RINT1: variants seen among roughly 807,000 people sequenced by gnomAD.
The protein encoded by RINT1 is RAD50-interacting protein 1.
In RINT1, 75 loss-of-function variants were observed where a neutral mutation model predicts 97.7. That is an observed-to-expected ratio of 0.77 (90% CI 0.64 to 0.93). RINT1 has a LOEUF of 0.93. Ranked by LOEUF, RINT1 falls within the 40% of genes least tolerant of loss-of-function variation. The pLI is 0.00. For synonymous variants in RINT1, 303 were observed against 326.3 expected (o/e 0.93, Z 0.77); for missense variants, 892 against 925.2 (o/e 0.96, Z 0.47).
At chr7:105,539,893 C>G (rs1790388575) in intron 3 of RINT1, among the ~76,000 whole-genome samples, 1 of 152,084 alleles carries the variant, frequency 6.6e-6, no homozygotes, top group Admixed American at 6.6e-5. Context: ...ACCAAAGTGA[C>G]CTGAAGGACG....
In RINT1 at chr7:105,563,645, T is replaced by C; in HGVS notation, c.1672-88T>C. 3.5e-6 allele frequency: 4 copies of C among 1,151,102 alleles called. No homozygotes were observed. In the South Asian group the frequency reaches 5.6e-5, roughly 16 times the overall value. The allele number at this position is 1,151,102 out of a possible 1,614,324, so 71.3% of individuals were successfully genotyped here. ...CCGTGCCCGGTCGAATTATACACTT[T>C]AAATGGGTGAATTGTATGACATATG... On this transcript the variant is annotated intron_variant, in intron 11 of 14. Coordinates refer to ENST00000257700, the MANE Select transcript of RINT1 (RefSeq NM_021930.6).
chr7:105,566,007 C>T (rs147704512), intron 14 of RINT1, among the ~76,000 whole-genome samples: 3,084 of 152,244 alleles, frequency 0.02, 49 homozygotes, highest in Non-Finnish European at 0.034. Flanking sequence ...TGGTGGCTCA[C>T]GCCTGTAATC....
In RINT1 at chr7:105,551,472, T is replaced by G. The variant is rs370690147; in HGVS notation, c.1334-98T>G. On this transcript the variant is annotated intron_variant, in intron 9 of 14. Transcript: ENST00000257700. ...GTGGGATATTGTAGGTTTGTTTCTT[T>G]TTTATAGAAAAGCCATCATTCCTAA... is the stretch of plus-strand genomic sequence containing the variant. 19 of 1,099,222 alleles carry G rather than the reference T, an allele frequency of 1.7e-5. No individual in the cohort carries two copies. The East Asian group carries it at 3.8e-4, about 22-fold the overall frequency. 68.1% of individuals were successfully genotyped at this position (1,099,222 alleles called of 1,614,324 possible). A position where few individuals can be genotyped will look rare whatever the true frequency, so the allele number is the denominator to read the frequency against.
At position 105,565,760 on chromosome 7, in the gene RINT1, T is replaced by C. The variant is rs2272169; in HGVS notation, c.2186+112T>C. 6.9e-3 allele frequency: 4,683 copies of C among 679,754 alleles called. 96 individuals carry two copies. The highest frequency in any genetic ancestry group is 0.05 in the East Asian group (1,887 of 37,964). 42.1% of individuals were successfully genotyped at this position (679,754 alleles called of 1,614,324 possible). ...TTGGGTGGGATAAGATCAGTTGAAA[T>C]TTTAAAACATTGTCTATCTACTGTA... On this transcript the variant is annotated intron_variant, in intron 14 of 14. Transcript: ENST00000257700.
At chr7:105,535,181 A>T (rs1790174045) in intron 2 of RINT1, among the ~76,000 whole-genome samples, 1 of 151,912 alleles carries the variant, frequency 6.6e-6, no homozygotes, top group Non-Finnish European at 1.5e-5. Context: ...TGTTTCTGAC[A>T]AAGATATCTT....
At chr7:105,561,790 G>A (rs1390212592) in intron 11 of RINT1, among the ~76,000 whole-genome samples, 1 of 151,974 alleles carries the variant, frequency 6.6e-6, no homozygotes, top group Admixed American at 6.6e-5. Context: ...TCAAACTCCT[G>A]ACCTCAGGTG....
chr7:105,539,355 CT>C (rs56362601), intron 3 of RINT1, among the ~76,000 whole-genome samples: 294 of 131,642 alleles, frequency 2.2e-3, no homozygotes, highest in African/African-American at 7.0e-3. Context: ...CTTTCCCACT[CT>C]TTTTTTTTTT....
At chr7:105,547,870 G>A (rs1430373666) in intron 6 of RINT1, among the ~76,000 whole-genome samples, 1 of 151,856 alleles carries the variant, frequency 6.6e-6, no homozygotes, top group African/African-American at 2.4e-5. Flanking sequence ...TGGGATTACA[G>A]GCGTGCACCA....
At chr7:105,539,004 A>G (rs1472842801) in intron 3 of RINT1, among the ~76,000 whole-genome samples, 1 of 152,230 alleles carries the variant, frequency 6.6e-6, no homozygotes, top group Non-Finnish European at 1.5e-5. Context: ...AGCAGGTATT[A>G]GTTCTTTCCT....
chr7:105,565,696 G>C (rs368788049), intron 14 of RINT1, 48 bp downstream of exon 14: 17 of 1,254,026 alleles, frequency 1.4e-5, no homozygotes, highest in Non-Finnish European at 1.7e-5. Flanking sequence ...AATTGTTACA[G>C]GAGGCTAACT....
chr7:105,538,189 C>T (rs1354528354), intron 3 of RINT1, among the ~76,000 whole-genome samples: 1 of 152,024 alleles, frequency 6.6e-6, no homozygotes, highest in Non-Finnish European at 1.5e-5. Context: ...GACAGGGTTT[C>T]ACCACTTGGG....
intron 3 of RINT1, among the ~76,000 whole-genome samples, chr7:105,537,006 CT>C (rs1011961367): frequency 2.0e-5 from 3 of 151,820 alleles, no homozygotes; most frequent in Non-Finnish European, 2.9e-5. Context: ...CATAGAGTGA[CT>C]TTTTTTTCCT....
rs781479843 is a variant in RINT1, at chr7:105,532,257, G to C, written c.-59G>C. On this transcript the variant is annotated 5_prime_UTR_variant, in exon 1 of 15. Transcript: ENST00000257700. Reference sequence around the variant, plus strand: ...GGTAGTGAGTGTGTCGCTGGCCTTAGCCAGACTCCACAGGCCACGCTGGCT... The same window carrying C: ...GGTAGTGAGTGTGTCGCTGGCCTTACCCAGACTCCACAGGCCACGCTGGCT... 3.9e-6 allele frequency: 6 copies of C among 1,537,912 alleles called. No homozygotes were observed. Among genetic ancestry groups the C allele is most frequent in the Non-Finnish European group, 5.2e-6 (6 of 1,144,222 alleles).
intron 12 of RINT1, 81 bp downstream of exon 12, chr7:105,564,028 A>G: frequency 1.0e-6 from 1 of 984,180 alleles, no homozygotes; most frequent in South Asian, 1.5e-5. Flanking sequence ...CAAGGTGTCT[A>G]GATAGAACCC....
rs1790062373 is a variant in RINT1 at position 105,532,262 on chromosome 7, A to T, written c.-54A>T. ...TGAGTGTGTCGCTGGCCTTAGCCAGACTCCACAGGCCACGCTGGCTGCGAA... is the reference window on the plus strand; with the variant it reads ...TGAGTGTGTCGCTGGCCTTAGCCAGTCTCCACAGGCCACGCTGGCTGCGAA... On this transcript the variant is annotated 5_prime_UTR_variant, in exon 1 of 15. Transcript: ENST00000257700. 1 of 1,541,580 alleles carries T rather than the reference A, an allele frequency of 6.5e-7. No homozygotes were observed. Among genetic ancestry groups the T allele is most frequent in the Non-Finnish European group, 8.7e-7 (1 of 1,146,242 alleles).
rs1791558036 is a variant in RINT1 at position 105,563,805 on chromosome 7, G to A, written c.1744G>A (p.Gly582Arg). The A allele has an allele frequency of 3.1e-6, 5 of 1,614,126 alleles. No homozygotes were observed. Among genetic ancestry groups the A allele is most frequent in the South Asian group, 1.1e-5 (1 of 91,082 alleles). Residue 582 changes from glycine to arginine, a missense_variant, in exon 12 of 15, where the codon GGA becomes AGA. Physicochemically the swap from Gly to Arg is moderately radical, Grantham distance 125. Transcript: ENST00000257700. ...ENNTLSKLQL[G>R]QLASMESSVF... ...TAATACTCTGAGTAAATTGCAGCTA[G>A]GACAGCTAGCCTCTATGGAGAGCTC... is the stretch of plus-strand genomic sequence containing the variant.
At chr7:105,562,898 G>T (rs540967034) in intron 11 of RINT1, among the ~76,000 whole-genome samples, 2 of 151,900 alleles carry the variant, frequency 1.3e-5, no homozygotes, top group African/African-American at 2.4e-5. Flanking sequence ...GCGAGATTCC[G>T]TCTCAAAACA....
intron 1 of RINT1, 76 bp from the exon 2 acceptor site, chr7:105,532,748 G>A (rs969608783): frequency 2.7e-6 from 4 of 1,474,668 alleles, no homozygotes; most frequent in East Asian, 2.3e-5. Context: ...TCCAGTGGGT[G>A]CCCTTTGGGA....
intron 14 of RINT1, among the ~76,000 whole-genome samples, chr7:105,565,910 G>C (rs1478586165): frequency 6.6e-6 from 1 of 151,360 alleles, no homozygotes. Flanking sequence ...GCTTCTAGTT[G>C]CTTAGTTACT....
Sources: allele counts gnomAD v4.1 joint callset (sites outside exome capture counted in the v4.1 genomes callset), GRCh38; gene constraint gnomAD v4.1.1; transcripts MANE v1.5; gene names NCBI Gene and HGNC (gene_info 2026-07-23, HGNC 2026-07-21).